RASSF9: variants seen among roughly 807,000 people sequenced by gnomAD.
The protein encoded by RASSF9 is ras association domain-containing protein 9.
In RASSF9, 18 loss-of-function variants were observed where a neutral mutation model predicts 21.4. The observed-to-expected ratio is 0.84, with a 90% confidence interval of 0.58 to 1.25. The LOEUF is 1.25. RASSF9 is among the 50% of genes most tolerant of loss of function. RASSF9 has a pLI of 0.00. For missense variants in RASSF9, 480 were observed against 503.2 expected (o/e 0.95, Z 0.44); for synonymous variants, 183 against 179.1 (o/e 1.02, Z -0.18).
chr12:85,826,080 A>G (rs1880327044), intron 1 of RASSF9, among the ~76,000 whole-genome samples: 1 of 152,174 alleles, frequency 6.6e-6, no homozygotes, highest in Non-Finnish European at 1.5e-5. Flanking sequence ...GGCTGCTTTC[A>G]CAGTCCCATG....
At chr12:85,828,636 A>T (rs1880385208) in intron 1 of RASSF9, among the ~76,000 whole-genome samples, 2 of 152,180 alleles carry the variant, frequency 1.3e-5, no homozygotes, top group African/African-American at 4.8e-5. Context: ...AAATTGCTTA[A>T]CATTGTTAAA....
Position 85,817,777 on chromosome 12 carries a change from CAT to C in RASSF9, c.48-11817_48-11816del, listed in dbSNP as rs1261614939. Among the ~76,000 whole-genome samples, 12 of 152,096 alleles carry C rather than the reference CAT, an allele frequency of 7.9e-5. No homozygotes were observed. In the East Asian group the frequency reaches 2.3e-3, roughly 29 times the overall value. On this transcript the variant is annotated intron_variant, in intron 1 of 1. Coordinates refer to ENST00000361228, the MANE Select transcript of RASSF9 (RefSeq NM_005447.4). ...TCACATAGCTGGAAAGAAAAAAGTACATGTTTAGAGAAATAAATTTTTAAAAT... is the reference window on the plus strand; with the variant it reads ...TCACATAGCTGGAAAGAAAAAAGTACGTTTAGAGAAATAAATTTTTAAAAT...
At chr12:85,809,787 T>C (rs1353109911) in intron 1 of RASSF9, among the ~76,000 whole-genome samples, 1 of 151,744 alleles carries the variant, frequency 6.6e-6, no homozygotes, top group Non-Finnish European at 1.5e-5. Context: ...AGGATCAAAT[T>C]CTTGTGTATT....
intron 1 of RASSF9, among the ~76,000 whole-genome samples, chr12:85,816,426 A>C (rs2136555816): frequency 6.6e-6 from 1 of 152,258 alleles, no homozygotes; most frequent in South Asian, 2.1e-4. Flanking sequence ...AAATGTTTTC[A>C]GCCGAAATTT....
In RASSF9 at chr12:85,805,629, C is replaced by T; in HGVS notation, c.381G>A (p.Arg127=). The change falls in exon 2 of 2, where the codon CGG becomes CGA. Residue 127 remains arginine, a synonymous_variant. Coordinates refer to ENST00000361228, the MANE Select transcript of RASSF9 (RefSeq NM_005447.4). ...ADAFLPVPLW[R]TAEAKLVQNT... ...TTTGCACTAATTTGGCTTCAGCTGTCCGCCACAAAGGAACTGGAAGAAAAG... is the reference window on the plus strand; with the variant it reads ...TTTGCACTAATTTGGCTTCAGCTGTTCGCCACAAAGGAACTGGAAGAAAAG... The T allele has an allele frequency of 1.2e-6, 2 of 1,613,958 alleles. No homozygotes were observed. The highest frequency in any genetic ancestry group is 1.7e-6 in the Non-Finnish European group (2 of 1,179,898).
intron 1 of RASSF9, among the ~76,000 whole-genome samples, chr12:85,825,779 T>C (rs1208879554): frequency 3.0e-5 from 4 of 132,566 alleles, no homozygotes. Context: ...AATAATGTGA[T>C]CTTTACACAC....
chr12:85,825,763 G>T (rs561862157), intron 1 of RASSF9, among the ~76,000 whole-genome samples: 1 of 147,854 alleles, frequency 6.8e-6, no homozygotes, highest in South Asian at 2.1e-4. Flanking sequence ...GAGATCAAAA[G>T]GTAAAAATAA....
At chr12:85,823,902 A>G (rs2136560295) in intron 1 of RASSF9, among the ~76,000 whole-genome samples, 1 of 152,264 alleles carries the variant, frequency 6.6e-6, no homozygotes, top group East Asian at 1.9e-4. Flanking sequence ...CCAGCCACTA[A>G]TTTGGGGAGT....
chr12:85,813,113 T>C lies in RASSF9; in HGVS notation c.48-7151A>G, dbSNP rs574109158. Among the ~76,000 whole-genome samples, 7 of 151,988 alleles carry C rather than the reference T, an allele frequency of 4.6e-5. No homozygotes were observed. The East Asian group carries it at 1.4e-3, about 29-fold the overall frequency. On this transcript the variant is annotated intron_variant, in intron 1 of 1. Transcript: ENST00000361228. ...TGGTTATTCGTCAACACCAGTTTAATTATTCAGGTTTTGCCTTTTTAGAAT... is the reference window on the plus strand; with the variant it reads ...TGGTTATTCGTCAACACCAGTTTAACTATTCAGGTTTTGCCTTTTTAGAAT...
At chr12:85,827,868 A>G (rs1212597692) in intron 1 of RASSF9, among the ~76,000 whole-genome samples, 2 of 152,160 alleles carry the variant, frequency 1.3e-5, no homozygotes, top group African/African-American at 2.4e-5. Flanking sequence ...TCTAATTCAC[A>G]TATTGTTTTT....
At chr12:85,821,170 A>G (rs1304642523) in intron 1 of RASSF9, among the ~76,000 whole-genome samples, 2 of 152,102 alleles carry the variant, frequency 1.3e-5, no homozygotes, top group Non-Finnish European at 2.9e-5. Flanking sequence ...AAAAAGCTAC[A>G]TTGACCAATA....
intron 1 of RASSF9, among the ~76,000 whole-genome samples, chr12:85,806,337 A>G (rs1879833602): frequency 6.7e-6 from 1 of 148,342 alleles, no homozygotes; most frequent in African/African-American, 2.5e-5. Flanking sequence ...GGCGTGAGCC[A>G]CTGCGCCTGG....
intron 1 of RASSF9, among the ~76,000 whole-genome samples, chr12:85,825,204 T>G (rs1395748476): frequency 2.0e-5 from 3 of 152,184 alleles, no homozygotes; most frequent in Non-Finnish European, 4.4e-5. Context: ...GGTTTCACCA[T>G]GTTGATACTT....
chr12:85,804,692 G>A lies in RASSF9; in HGVS notation c.*10C>T. ...AAACATGAAAGCAGGTCAGAAAGGA[G>A]CCATTGGAACTATGTTGACAACAGC... On this transcript the variant is annotated 3_prime_UTR_variant, in exon 2 of 2. Transcript: ENST00000361228. 6.4e-7 allele frequency: 1 copy of A among 1,562,954 alleles called. No individual in the cohort carries two copies. Among genetic ancestry groups the A allele is most frequent in the East Asian group, 2.3e-5 (1 of 44,152 alleles).
intron 1 of RASSF9, among the ~76,000 whole-genome samples, chr12:85,813,928 G>C (rs963197844): frequency 2.1e-4 from 32 of 151,928 alleles, no homozygotes; most frequent in African/African-American, 7.5e-4. Context: ...TCCTAGGCCA[G>C]CCTGGAAAGT....
Position 85,836,258 on chromosome 12 carries a change from G to GT in RASSF9, c.-58_-57insA. On this transcript the variant is annotated 5_prime_UTR_variant, in exon 1 of 2. Transcript: ENST00000361228. Reference sequence around the variant, plus strand: ...CTTAAAGTGATCTGAGGGTGGGGGTGGGGGTGTCTGGATTTCCAGGGTGAA... The same window carrying GT: ...CTTAAAGTGATCTGAGGGTGGGGGTGTGGGGTGTCTGGATTTCCAGGGTGAA... 1.5e-6 allele frequency: 2 copies of GT among 1,371,224 alleles called. No individual in the cohort carries two copies. The highest frequency in any genetic ancestry group is 2.0e-6 in the Non-Finnish European group (2 of 990,314). The allele number at this position is 1,371,224 out of a possible 1,614,324, so 84.9% of individuals were successfully genotyped here.
intron 1 of RASSF9, among the ~76,000 whole-genome samples, chr12:85,808,620 T>C (rs1007320501): frequency 2.6e-5 from 4 of 152,094 alleles, no homozygotes; most frequent in African/African-American, 9.6e-5. Context: ...TATGGCTATA[T>C]AGCACAAGTC....
chr12:85,806,014 C>T (rs1038581408), intron 1 of RASSF9, 52 bp from the exon 2 acceptor site: 1 of 1,523,446 alleles, frequency 6.6e-7, no homozygotes, highest in East Asian at 2.3e-5. Context: ...TGTGTAAACT[C>T]AGAAAGATGG....
Position 85,805,214 on chromosome 12 carries a change from TTCCATCACTTTCGCTCAGGTCC to T in RASSF9, c.774_795del (p.Asp259LeufsTer8). The T allele has an allele frequency of 1.2e-6, 2 of 1,613,846 alleles. No individual in the cohort carries two copies. The highest frequency in any genetic ancestry group is 1.7e-6 in the Non-Finnish European group (2 of 1,179,892). On this transcript the variant is annotated frameshift_variant, in exon 2 of 2. Transcript: ENST00000361228. LOFTEE classifies it high-confidence loss of function. Reference sequence around the variant, plus strand: ...TTCAGTCGTTCTTCCAGCTGTTCAATTCCATCACTTTCGCTCAGGTCCTCCAGAGTCTGGTTTTCCTCATACT... The same window carrying T: ...TTCAGTCGTTCTTCCAGCTGTTCAATTCCAGAGTCTGGTTTTCCTCATACT...
Sources: allele counts gnomAD v4.1 joint callset (sites outside exome capture counted in the v4.1 genomes callset), GRCh38; gene constraint gnomAD v4.1.1; transcripts MANE v1.5; gene names NCBI Gene and HGNC (gene_info 2026-07-23, HGNC 2026-07-21).